The following ZNRF1 variants were observed in gnomAD, a reference collection of about 807,000 sequenced individuals.
ZNRF1 encodes the protein zinc and ring finger 1.
Under a neutral mutation model 18.4 loss-of-function variants are expected in ZNRF1, and 3 were observed. That is an observed-to-expected ratio of 0.16 (90% confidence interval 0.07 to 0.42). The LOEUF is 0.42. ZNRF1 is among the 10% of genes least tolerant of loss of function. The pLI, the probability that ZNRF1 is intolerant of heterozygous loss-of-function variation, is 0.99. For missense variants in ZNRF1, 310 were observed against 329.8 expected (o/e 0.94, Z 0.47); for synonymous variants, 157 against 144.2 (o/e 1.09, Z -0.64).
At chr16:75,105,221 C>T (rs2036300906) in intron 3 of ZNRF1, 3 of 275,350 alleles carry the variant, frequency 1.1e-5, no homozygotes, top group South Asian at 3.8e-5. Context: ...GTCTCCCTGC[C>T]TCTTCTTCCT....
intron 1 of ZNRF1, among the ~76,000 whole-genome samples, chr16:75,071,686 A>G (rs1169597626): frequency 1.3e-5 from 2 of 152,194 alleles, no homozygotes; most frequent in African/African-American, 4.8e-5. Flanking sequence ...GGGTGGCAAG[A>G]TTCTGGAAGT....
At chr16:75,102,841 G>T (rs2036269126) in intron 2 of ZNRF1, among the ~76,000 whole-genome samples, 1 of 152,162 alleles carries the variant, frequency 6.6e-6, no homozygotes, top group South Asian at 2.1e-4. Context: ...CCTTAGTGCA[G>T]GCACCTGCTG....
intron 1 of ZNRF1, among the ~76,000 whole-genome samples, chr16:75,031,894 T>C (rs1320489603): frequency 6.6e-6 from 1 of 152,098 alleles, no homozygotes; most frequent in African/African-American, 2.4e-5. Context: ...GTAACTTTAA[T>C]TGAATCTTTT....
At chr16:75,073,792 C>T (rs1345617605) in intron 1 of ZNRF1, among the ~76,000 whole-genome samples, 1 of 152,024 alleles carries the variant, frequency 6.6e-6, no homozygotes, top group Non-Finnish European at 1.5e-5. Flanking sequence ...GGCCAACATC[C>T]TCGTGCTGTA....
chr16:75,013,193 T>C (rs2035021983), intron 1 of ZNRF1, among the ~76,000 whole-genome samples: 1 of 152,170 alleles, frequency 6.6e-6, no homozygotes, highest in South Asian at 2.1e-4. Flanking sequence ...ATAAAGTATC[T>C]TTTGCCTAAG....
intron 1 of ZNRF1, among the ~76,000 whole-genome samples, chr16:75,070,261 C>G (rs1270047758): frequency 6.6e-6 from 1 of 152,182 alleles, no homozygotes; most frequent in Non-Finnish European, 1.5e-5. Context: ...CCGCCTAGCC[C>G]AGGCCGGCCT....
At chr16:75,030,933 C>T (rs908575685) in intron 1 of ZNRF1, among the ~76,000 whole-genome samples, 5 of 148,882 alleles carry the variant, frequency 3.4e-5, no homozygotes, top group African/African-American at 9.9e-5. Flanking sequence ...CTCCGCCTCC[C>T]GGGTTCAAGC....
intron 1 of ZNRF1, among the ~76,000 whole-genome samples, chr16:75,064,431 C>G (rs985249304): frequency 6.6e-6 from 1 of 151,814 alleles, no homozygotes; most frequent in Non-Finnish European, 1.5e-5. Context: ...TAGCAGATGC[C>G]TGTAATCCCA....
rs750168982 is a variant in ZNRF1 at position 75,093,612 on chromosome 16, C to T, written c.465C>T (p.Asp155=). Residue 155 remains aspartate, a synonymous_variant, in exon 2 of 5, where the codon GAC becomes GAT. Coordinates refer to ENST00000335325, the MANE Select transcript of ZNRF1 (RefSeq NM_032268.5). ...TTTGCTCCAAGTCTGTGGCTTCTGA[C>T]GAGATGGAAATGCACTTTATAATGT... ...CPICSKSVAS[D]EMEMHFIMCL... 9 of 1,613,922 alleles carry T rather than the reference C, an allele frequency of 5.6e-6. No individual in the cohort carries two copies. Among genetic ancestry groups the T allele is most frequent in the African/African-American group, 2.7e-5 (2 of 74,926 alleles).
chr16:75,027,549 GA>G (rs2035242256), intron 1 of ZNRF1, among the ~76,000 whole-genome samples: 1 of 152,088 alleles, frequency 6.6e-6, no homozygotes, highest in Non-Finnish European at 1.5e-5. Flanking sequence ...ACAGCCCATT[GA>G]ACCTATTTTC....
chr16:75,008,107 G>A (rs1239324391), intron 1 of ZNRF1, among the ~76,000 whole-genome samples: 1 of 151,910 alleles, frequency 6.6e-6, no homozygotes, highest in African/African-American at 2.4e-5. Context: ...TTGAACTCCT[G>A]GCCTCAAGTG....
intron 1 of ZNRF1, among the ~76,000 whole-genome samples, chr16:75,049,507 C>T (rs964614478): frequency 1.3e-5 from 2 of 151,994 alleles, no homozygotes; most frequent in Non-Finnish European, 2.9e-5. Context: ...TTAAAAATTG[C>T]TTGTAGAGGC....
chr16:75,057,224 C>T (rs2035680340), intron 1 of ZNRF1, among the ~76,000 whole-genome samples: 1 of 152,144 alleles, frequency 6.6e-6, no homozygotes, highest in African/African-American at 2.4e-5. Context: ...TTGTAGTTCA[C>T]GTGCTTGTTT....
intron 2 of ZNRF1, 129 bp downstream of exon 2, chr16:75,093,796 CAGT>C (rs1187630719): frequency 1.3e-5 from 9 of 673,336 alleles, no homozygotes; most frequent in Admixed American, 2.4e-5. Flanking sequence ...AGGTGTGCCT[CAGT>C]GGTGGTGAGG....
At chr16:75,064,099 G>A (rs2145391937) in intron 1 of ZNRF1, among the ~76,000 whole-genome samples, 1 of 152,234 alleles carries the variant, frequency 6.6e-6, no homozygotes, top group East Asian at 1.9e-4. Flanking sequence ...AGGAGTTTGA[G>A]ACCAGCCTGG....
chr16:75,103,480 A>C (rs2036275698), intron 2 of ZNRF1, among the ~76,000 whole-genome samples: 1 of 148,372 alleles, frequency 6.7e-6, no homozygotes, highest in Non-Finnish European at 1.5e-5. Context: ...ATAGAAGCAG[A>C]GAGTAGACTA....
rs965713408 is a variant in ZNRF1, at chr16:75,109,202, C to T, written c.*1502C>T. 1.3e-5 allele frequency: 2 copies of T among 152,756 alleles called. No homozygotes were observed. Among genetic ancestry groups the T allele is most frequent in the Non-Finnish European group, 2.9e-5 (2 of 68,472 alleles). The allele number at this position is 152,756 out of a possible 1,614,324, so 9.5% of individuals were successfully genotyped here. Reference sequence around the variant, plus strand: ...CCAGCTCAGAGCCCTTGAACCAGAACCAACTGCTCAGGCTCACAAAAGTTG... The same window carrying T: ...CCAGCTCAGAGCCCTTGAACCAGAATCAACTGCTCAGGCTCACAAAAGTTG... On this transcript the variant is annotated 3_prime_UTR_variant, in exon 5 of 5. Transcript: ENST00000335325.
At chr16:75,052,106 A>G (rs939210998) in intron 1 of ZNRF1, among the ~76,000 whole-genome samples, 3 of 152,196 alleles carry the variant, frequency 2.0e-5, no homozygotes, top group African/African-American at 7.2e-5. Flanking sequence ...CCCTATCAAG[A>G]TAGAGAATGT....
chr16:75,039,511 T>C (rs370255392), intron 1 of ZNRF1, among the ~76,000 whole-genome samples: 2 of 152,222 alleles, frequency 1.3e-5, no homozygotes, highest in Admixed American at 6.5e-5. Flanking sequence ...TTGTAGCTCA[T>C]GGAGTACTAA....
Sources: allele counts gnomAD v4.1 joint callset (sites outside exome capture counted in the v4.1 genomes callset), GRCh38; gene constraint gnomAD v4.1.1; transcripts MANE v1.5; gene names NCBI Gene and HGNC (gene_info 2026-07-23, HGNC 2026-07-21).